PLCB1: variants seen among roughly 807,000 people sequenced by gnomAD.
PLCB1 encodes phospholipase C beta 1, also known as 1-phosphatidylinositol 4,5-bisphosphate phosphodiesterase beta-1.
In PLCB1, 46 loss-of-function variants were observed where a neutral mutation model predicts 161.8. That is an observed-to-expected ratio of 0.28 (90% CI 0.22 to 0.36). The LOEUF (loss-of-function observed/expected upper bound fraction) is 0.36. PLCB1 is among the 10% of genes least tolerant of loss of function. PLCB1 has a pLI of 1.00. For synonymous variants in PLCB1, 517 were observed against 503.7 expected (o/e 1.03, Z -0.35); for missense variants, 1,016 against 1,472.5 (o/e 0.69, Z 5.07).
rs140765438 is a variant in PLCB1 at position 8,511,283 on chromosome 20, T to C, written c.247-117011T>C. Among the ~76,000 whole-genome samples, 1,160 of 152,300 alleles carry C rather than the reference T, an allele frequency of 7.6e-3. 9 individuals carry two copies. The highest frequency in any genetic ancestry group is 0.014 in the Non-Finnish European group (922 of 68,004). On this transcript the variant is annotated intron_variant, in intron 3 of 31. Transcript: ENST00000338037. ...GCGTAACTTCCTCCAAGTTCATTCA[T>C]GTTGTTGCAAATGACAGAATTTGCT...
At chr20:8,334,209 CA>C (rs202057583) in intron 2 of PLCB1, among the ~76,000 whole-genome samples, 70 of 136,994 alleles carry the variant, frequency 5.1e-4, no homozygotes, top group Admixed American at 4.4e-4. Flanking sequence ...AACTCCACCT[CA>C]AAAAAAAAAA....
chr20:8,337,572 T>C (rs1985629764), intron 2 of PLCB1, among the ~76,000 whole-genome samples: 1 of 152,216 alleles, frequency 6.6e-6, no homozygotes, highest in Non-Finnish European at 1.5e-5. Context: ...TGTTGGACTA[T>C]CCTATTTAAA....
intron 2 of PLCB1, among the ~76,000 whole-genome samples, chr20:8,303,853 T>G (rs2123324644): frequency 6.6e-6 from 1 of 152,226 alleles, no homozygotes; most frequent in South Asian, 2.1e-4. Context: ...GGCAGTAGGG[T>G]CTAGGATTCA....
At chr20:8,345,235 T>G (rs2663004) in intron 2 of PLCB1, among the ~76,000 whole-genome samples, 73,707 of 151,892 alleles carry the variant, frequency 0.49, 18,600 homozygotes, top group African/African-American at 0.63. Flanking sequence ...GAAATGTGCT[T>G]CAGTTTGAAA....
intron 2 of PLCB1, among the ~76,000 whole-genome samples, chr20:8,212,637 G>A (rs549602864): frequency 1.8e-4 from 28 of 152,130 alleles, no homozygotes; most frequent in Non-Finnish European, 2.8e-4. Flanking sequence ...CATACAAAAC[G>A]CAAAAGATGA....
At chr20:8,663,256 A>G (rs1284576908) in intron 9 of PLCB1, among the ~76,000 whole-genome samples, 1 of 151,882 alleles carries the variant, frequency 6.6e-6, no homozygotes, top group Non-Finnish European at 1.5e-5. Flanking sequence ...ACACAGAGAC[A>G]CACACACAGT....
At chr20:8,846,340 A>T (rs6086641) in intron 31 of PLCB1, among the ~76,000 whole-genome samples, 48,827 of 151,810 alleles carry the variant, frequency 0.32, 8,840 homozygotes, top group East Asian at 0.63. Context: ...TGGGGATTAC[A>T]ATTCAACATG....
At chr20:8,271,546 CT>C (rs1982281335) in intron 2 of PLCB1, among the ~76,000 whole-genome samples, 1 of 151,954 alleles carries the variant, frequency 6.6e-6, no homozygotes, top group Non-Finnish European at 1.5e-5. Context: ...CTTTTTGAGT[CT>C]TTGATCTTAA....
At chr20:8,509,782 A>ATAGC (rs1568705486) in intron 3 of PLCB1, among the ~76,000 whole-genome samples, 4 of 143,698 alleles carry the variant, frequency 2.8e-5, no homozygotes, top group African/African-American at 1.0e-4. Context: ...AGATAGATAG[A>ATAGC]TAGCATGAAG....
chr20:8,809,453 G>A (rs915453352), intron 31 of PLCB1, among the ~76,000 whole-genome samples: 3 of 152,064 alleles, frequency 2.0e-5, no homozygotes, highest in Non-Finnish European at 4.4e-5. Flanking sequence ...TCCTCCCAAC[G>A]CCTTATTCAA....
rs117814076 is a variant in PLCB1, at chr20:8,423,449, A to G, written c.246+51999A>G. 6.2e-3 allele frequency among the ~76,000 whole-genome samples: 941 copies of G among 152,292 alleles called. 2 individuals are homozygous for G. Among genetic ancestry groups the G allele is most frequent in the Non-Finnish European group, 0.01 (713 of 68,016 alleles). ...GTAAACAGCTTACTGGGGATGAGGT[A>G]TCTGGATTGATATGACCAAGGAAAT... On this transcript the variant is annotated intron_variant, in intron 3 of 31. Transcript: ENST00000338037.
chr20:8,563,271 C>T (rs1986204443), intron 3 of PLCB1, among the ~76,000 whole-genome samples: 1 of 151,896 alleles, frequency 6.6e-6, no homozygotes, highest in Non-Finnish European at 1.5e-5. Context: ...TAGTATAGCC[C>T]TACCAAGTAG....
chr20:8,392,328 C>T (rs920628304), intron 3 of PLCB1, among the ~76,000 whole-genome samples: 5 of 152,082 alleles, frequency 3.3e-5, no homozygotes, highest in African/African-American at 4.8e-5. Context: ...AACCTGTCTA[C>T]GCCTTGATTT....
intron 3 of PLCB1, among the ~76,000 whole-genome samples, chr20:8,464,908 C>T (rs1399490153): frequency 1.3e-5 from 2 of 152,172 alleles, no homozygotes; most frequent in African/African-American, 4.8e-5. Context: ...AGCATGACAA[C>T]ATCCATTGGT....
intron 3 of PLCB1, among the ~76,000 whole-genome samples, chr20:8,558,941 G>C (rs2123016679): frequency 6.6e-6 from 1 of 151,998 alleles, no homozygotes; most frequent in East Asian, 1.9e-4. Context: ...GAAATGGTAA[G>C]GAGATGCCTT....
chr20:8,495,932 C>T (rs970054080), intron 3 of PLCB1, among the ~76,000 whole-genome samples: 10 of 152,064 alleles, frequency 6.6e-5, no homozygotes, highest in African/African-American at 2.4e-4. Context: ...CTGATGTTCC[C>T]GTGGCTTGCT....
chr20:8,662,981 T>G (rs1056263352), intron 9 of PLCB1, among the ~76,000 whole-genome samples: 1 of 152,096 alleles, frequency 6.6e-6, no homozygotes, highest in Non-Finnish European at 1.5e-5. Context: ...AGTATTACAT[T>G]ATAATTTATT....
At chr20:8,179,643 T>A (rs1052457577) in intron 2 of PLCB1, among the ~76,000 whole-genome samples, 4 of 152,162 alleles carry the variant, frequency 2.6e-5, no homozygotes, top group Non-Finnish European at 5.9e-5. Flanking sequence ...TTTCTTTCTC[T>A]TGCCCGATTG....
intron 3 of PLCB1, among the ~76,000 whole-genome samples, chr20:8,511,225 A>G (rs980616596): frequency 6.6e-6 from 1 of 152,128 alleles, no homozygotes; most frequent in Admixed American, 6.5e-5. Flanking sequence ...AACAGTATTT[A>G]CTTATCTTTC....
Sources: allele counts gnomAD v4.1 joint callset (sites outside exome capture counted in the v4.1 genomes callset), GRCh38; gene constraint gnomAD v4.1.1; transcripts MANE v1.5; gene names NCBI Gene and HGNC (gene_info 2026-07-23, HGNC 2026-07-21).